Variants in CAPN2 observed in about 807,000 individuals in gnomAD.
CAPN2 encodes the protein calpain-2 catalytic subunit.
Under a neutral mutation model 102.3 loss-of-function variants are expected in CAPN2, and 92 were observed. The ratio of observed to expected loss-of-function variants is 0.90; its 90% CI spans 0.76 to 1.07. CAPN2 has a LOEUF of 1.07. Among genes scored for constraint, CAPN2 ranks in the 50% least tolerant of loss-of-function variants. The probability of loss-of-function intolerance (pLI) is 0.00; values close to 1 mark genes in which losing one functional copy is unlikely to be tolerated. For synonymous variants in CAPN2, 340 were observed against 355.4 expected, an observed-to-expected ratio of 0.96 and a Z score of 0.49; for missense variants, 800 against 909.4, an observed-to-expected ratio of 0.88 and a Z score of 1.55.
In CAPN2 at chr1:223,764,171, G is replaced by A; in HGVS notation, c.1654G>A (p.Glu552Lys). 1.2e-6 allele frequency: 2 copies of A among 1,614,010 alleles called. No homozygotes were observed. The highest frequency in any genetic ancestry group is 1.1e-5 in the South Asian group (1 of 91,064). ...ACAGGATGCGGAGATCTCTGCCTTT[G>A]AGCTGCAGACCATCCTGAGAAGGGT... is the stretch of plus-strand genomic sequence containing the variant. The part of the protein sequence containing the change: ...AGEDAEISAF[E>K]LQTILRRVLA... The change falls in exon 15 of 21, where the codon GAG becomes AAG. Residue 552 changes from glutamate (E) to lysine (K), a missense_variant. Coordinates refer to ENST00000295006, the MANE Select transcript of CAPN2 (RefSeq NM_001748.5).
Position 223,741,434 on chromosome 1 carries a change from TA to T in CAPN2, c.308-2664del, listed in dbSNP as rs1481234337. ...TGGCTGTAAAATGTATATATATATA[TA>T]ATGTGTATATATATATATATATATA... On this transcript the variant is annotated intron_variant, in intron 2 of 20. Coordinates refer to ENST00000295006, the MANE Select transcript of CAPN2 (RefSeq NM_001748.5). Among the ~76,000 whole-genome samples, 44 of 58,752 alleles carry T rather than the reference TA, an allele frequency of 7.5e-4. 2 individuals carry two copies. The highest frequency in any genetic ancestry group is 6.8e-3 in the African/African-American group (39 of 5,722). 38.5% of individuals were successfully genotyped at this position (58,752 alleles called of 152,430 possible).
At chr1:223,743,745 G>A (rs1660681702) in intron 2 of CAPN2, among the ~76,000 whole-genome samples, 2 of 152,250 alleles carry the variant, frequency 1.3e-5, no homozygotes, top group Admixed American at 6.5e-5. Flanking sequence ...TGGAGCATCT[G>A]CTGCGAATCA....
chr1:223,765,909 C>G (rs1175439083), intron 15 of CAPN2, among the ~76,000 whole-genome samples: 1 of 152,192 alleles, frequency 6.6e-6, no homozygotes, highest in African/African-American at 2.4e-5. Flanking sequence ...GCTCGTGGAT[C>G]GATCCCAGTT....
At chr1:223,739,993 A>G (rs902853599) in intron 2 of CAPN2, among the ~76,000 whole-genome samples, 1 of 152,250 alleles carries the variant, frequency 6.6e-6, no homozygotes, top group African/African-American at 2.4e-5. Context: ...GCACCTGACC[A>G]GGAAGAAATC....
rs186232535 is a variant in CAPN2, at chr1:223,703,652, G to C, written c.3+1821G>C. On this transcript the variant is annotated intron_variant, in intron 1 of 20. Coordinates refer to the CAPN2 transcript ENST00000433674. The stretch of plus-strand genomic sequence containing the variant: ...CCCCATCTCTTTTCATAGGTGTAAG[G>C]CTTATGTTATGGGCTGAAGGCTTTT... 3.0e-3 allele frequency among the ~76,000 whole-genome samples: 458 copies of C among 152,264 alleles called. 3 individuals carry two copies. Among genetic ancestry groups the C allele is most frequent in the Non-Finnish European group, 4.3e-3 (293 of 68,026 alleles).
At chr1:223,742,899 C>T (rs532210856) in intron 2 of CAPN2, among the ~76,000 whole-genome samples, 1 of 152,130 alleles carries the variant, frequency 6.6e-6, no homozygotes, top group Admixed American at 6.5e-5. Flanking sequence ...AGGCTACTTC[C>T]CATTATTGTC....
In CAPN2 at chr1:223,745,480, A is replaced by G. The variant is rs28370054; in HGVS notation, c.560+41A>G. 625 of 1,609,670 alleles carry G rather than the reference A, an allele frequency of 3.9e-4. 2 individuals are homozygous for G. The African/African-American group carries it at 6.1e-3, about 16-fold the overall frequency. ...CCCCTGGCCCCATGGCCTTCCCCCA[A>G]TGCCCTGGATTCCAAAAAATTCACT... On this transcript the variant is annotated intron_variant, in intron 4 of 20. Transcript: ENST00000295006.
At chr1:223,751,199 C>T (rs994284263) in intron 7 of CAPN2, among the ~76,000 whole-genome samples, 2 of 152,134 alleles carry the variant, frequency 1.3e-5, no homozygotes, top group African/African-American at 4.8e-5. Flanking sequence ...CCAAGCTGCT[C>T]GTGTGAAGTT....
chr1:223,757,850 T>G (rs578167265), intron 11 of CAPN2: 59 of 160,708 alleles, frequency 3.7e-4, no homozygotes, highest in Admixed American at 1.9e-3. Context: ...GTTTTGTTTT[T>G]TTTTTTTTTG....
chr1:223,722,132 A>G (rs1044589505), intron 2 of CAPN2, among the ~76,000 whole-genome samples: 2 of 152,172 alleles, frequency 1.3e-5, no homozygotes, highest in African/African-American at 2.4e-5. Context: ...GTGTTTGGGT[A>G]ACACACAGAT....
rs1405154412 is a variant in CAPN2, at chr1:223,727,369, C to A, written c.307+9538C>A. ...GAATTATAGGATGTTTAGCTGCATC[C>A]TTGGCCTCTACCCACACACCCCCGT... On this transcript the variant is annotated intron_variant, in intron 2 of 20. Transcript: ENST00000295006. This position sits in a 1 kb window ranked among gnomAD's most constrained non-coding sequence, Gnocchi z 4.1. 6.6e-6 allele frequency among the ~76,000 whole-genome samples: 1 copy of A among 152,216 alleles called. No individual in the cohort carries two copies. Among genetic ancestry groups the A allele is most frequent in the East Asian group, 1.9e-4 (1 of 5,192 alleles).
chr1:223,702,049 AGAAG>A (rs1168198502), intron 1 of CAPN2, among the ~76,000 whole-genome samples: 536 of 34,294 alleles, frequency 0.016, 14 homozygotes, highest in African/African-American at 0.038. Context: ...GAGGGAGGGA[AGAAG>A]GAAGGAAGGA....
At chr1:223,761,209 G>A (rs1031146950) in intron 12 of CAPN2, among the ~76,000 whole-genome samples, 1 of 152,228 alleles carries the variant, frequency 6.6e-6, no homozygotes, top group Non-Finnish European at 1.5e-5. Context: ...CGCTACACGC[G>A]AAGGCTATCC....
rs747830719 is a variant in CAPN2, at chr1:223,726,234, C to T, written c.307+8403C>T. Among the ~76,000 whole-genome samples the T allele has an allele frequency of 3.3e-5, 5 of 152,086 alleles. No homozygotes were observed. Among genetic ancestry groups the T allele is most frequent in the Admixed American group, 1.3e-4 (2 of 15,268 alleles). The stretch of plus-strand genomic sequence containing the variant: ...GGAATTTAAGACAGGAATTGGCAGC[C>T]GAGGGCAAGGTTCCACCTCCTCCTC... On this transcript the variant is annotated intron_variant, in intron 2 of 20. Coordinates refer to ENST00000295006, the MANE Select transcript of CAPN2 (RefSeq NM_001748.5). The surrounding 1 kb of genome is among the most constrained non-coding windows in gnomAD (Gnocchi z 4.4).
chr1:223,716,126 G>C (rs574433784), intron 1 of CAPN2, among the ~76,000 whole-genome samples: 2 of 152,252 alleles, frequency 1.3e-5, no homozygotes, highest in South Asian at 4.1e-4. Flanking sequence ...TCACTGACTG[G>C]TAAGACCCAT....
At chr1:223,762,533 C>T (rs914795571) in intron 14 of CAPN2, among the ~76,000 whole-genome samples, 1 of 152,178 alleles carries the variant, frequency 6.6e-6, no homozygotes, top group Admixed American at 6.5e-5. Flanking sequence ...TTTATTTTCT[C>T]TGTTCTACAC....
At chr1:223,753,940 G>A (rs1292597478) in intron 9 of CAPN2, among the ~76,000 whole-genome samples, 1 of 152,146 alleles carries the variant, frequency 6.6e-6, no homozygotes, top group Non-Finnish European at 1.5e-5. Context: ...CTGGCCCCAG[G>A]AATTTCAGAT....
upstream of CAPN2, among the ~76,000 whole-genome samples, chr1:223,711,346 T>C (rs1571776058): frequency 1.3e-5 from 2 of 152,306 alleles, no homozygotes; most frequent in Middle Eastern, 6.8e-3. Context: ...GTGTGTGAGA[T>C]GAGAATCACA....
At chr1:223,769,006 C>T (rs1571821402) in intron 16 of CAPN2, among the ~76,000 whole-genome samples, 1 of 152,178 alleles carries the variant, frequency 6.6e-6, no homozygotes, top group East Asian at 1.9e-4. Flanking sequence ...GGCCACCCAC[C>T]TTTCCCCAAG....
Sources: gnomAD v4.1 joint callset for allele counts (sites outside exome capture counted in the v4.1 genomes callset) on GRCh38, gnomAD v4.1.1 for gene constraint, Gnocchi (gnomAD v3.1) non-coding constraint, MANE v1.5 for transcripts, NCBI Gene and HGNC (gene_info 2026-07-23, HGNC 2026-07-21) for gene names.